The following RIMS2 variants were observed in gnomAD, a reference collection of about 807,000 sequenced individuals.
RIMS2 encodes regulating synaptic membrane exocytosis 2, also known as regulating synaptic membrane exocytosis protein 2.
Under a neutral mutation model 174.4 loss-of-function variants are expected in RIMS2, and 59 were observed. The observed-to-expected ratio is 0.34, with a 90% CI of 0.27 to 0.42. The LOEUF is 0.42. Among genes scored for constraint, RIMS2 ranks in the 10% least tolerant of loss-of-function variants. The pLI, the probability that RIMS2 is intolerant of heterozygous loss-of-function variation, is 1.00. For missense variants in RIMS2, 1,620 were observed against 1,666.3 expected, an observed-to-expected ratio of 0.97 and a Z score of 0.48; for synonymous variants, 606 against 572.5, an observed-to-expected ratio of 1.06 and a Z score of -0.84.
chr8:103,880,750 T>G, intron 3 of RIMS2: 3 of 439,642 alleles, frequency 6.8e-6, no homozygotes, highest in Non-Finnish European at 8.2e-6. Flanking sequence ...TATATTTTTG[T>G]TTTTTTATAA....
chr8:103,668,785 A>C (rs942593980), intron 1 of RIMS2, among the ~76,000 whole-genome samples: 1 of 151,972 alleles, frequency 6.6e-6, no homozygotes, highest in Non-Finnish European at 1.5e-5. Flanking sequence ...GGCTCAAGCA[A>C]TTCTCCCACC....
rs1194792163 is a variant in RIMS2 at position 103,918,406 on chromosome 8, GTTTCTGTC to G, written c.2037-29_2037-22del. 2.2e-6 allele frequency: 3 copies of G among 1,393,870 alleles called. No individual in the cohort carries two copies. In the African/African-American group the frequency reaches 4.6e-5, roughly 21 times the overall value. The allele number at this position is 1,393,870 out of a possible 1,614,324, so 86.3% of individuals were successfully genotyped here. A position where few individuals can be genotyped will look rare whatever the true frequency, so the allele number is the denominator to read the frequency against. On this transcript the variant is annotated intron_variant, in intron 8 of 23. Coordinates refer to ENST00000504942, the Ensembl canonical transcript of RIMS2. ...ATGAGTTGCATTAATTGTTGAAACA[GTTTCTGTC>G]TTTCTTTTTTTTTTTAATCATTTCA...
At chr8:103,732,566 G>C (rs2097616667) in intron 2 of RIMS2, among the ~76,000 whole-genome samples, 1 of 152,130 alleles carries the variant, frequency 6.6e-6, no homozygotes, top group African/African-American at 2.4e-5. Context: ...GGTGGGTCCA[G>C]AGATATCATC....
intron 1 of RIMS2, among the ~76,000 whole-genome samples, chr8:103,582,596 A>G (rs933758330): frequency 6.6e-6 from 1 of 152,150 alleles, no homozygotes; most frequent in African/African-American, 2.4e-5. Flanking sequence ...AGCATTCACA[A>G]TAAGCTGACT....
chr8:103,570,694 C>G (rs1216610950), intron 1 of RIMS2, among the ~76,000 whole-genome samples: 4 of 152,120 alleles, frequency 2.6e-5, no homozygotes, highest in Admixed American at 2.0e-4. Context: ...ATTAATGTTT[C>G]TACCTGCAAA....
At chr8:103,737,762 A>T (rs149130596) in intron 2 of RIMS2, among the ~76,000 whole-genome samples, 1 of 152,102 alleles carries the variant, frequency 6.6e-6, no homozygotes, top group East Asian at 1.9e-4. Flanking sequence ...GTTGTTTCTT[A>T]TACCTGGAAT....
chr8:103,866,873 T>G (rs1594154581), intron 3 of RIMS2, among the ~76,000 whole-genome samples: 1 of 152,122 alleles, frequency 6.6e-6, no homozygotes, highest in East Asian at 1.9e-4. Flanking sequence ...TTTTATTTTA[T>G]TTTTTGCATT....
At chr8:104,099,184 T>C (rs931115021) in intron 19 of RIMS2, among the ~76,000 whole-genome samples, 1 of 152,210 alleles carries the variant, frequency 6.6e-6, no homozygotes, top group African/African-American at 2.4e-5. Flanking sequence ...CATAAGTTTC[T>C]ACTATTTGGC....
At chr8:103,964,274 C>G (rs527600908) in intron 15 of RIMS2, among the ~76,000 whole-genome samples, 1 of 152,262 alleles carries the variant, frequency 6.6e-6, no homozygotes, top group East Asian at 1.9e-4. Context: ...TTCCCACCAG[C>G]AATGAATGAG....
At chr8:103,893,664 C>A (rs1480557614) in intron 4 of RIMS2, among the ~76,000 whole-genome samples, 2 of 151,998 alleles carry the variant, frequency 1.3e-5, no homozygotes, top group African/African-American at 2.4e-5. Flanking sequence ...ATATGAAAAT[C>A]ACATGAAATT....
intron 1 of RIMS2, among the ~76,000 whole-genome samples, chr8:103,558,458 A>G (rs1426430968): frequency 6.6e-6 from 1 of 152,170 alleles, no homozygotes; most frequent in Non-Finnish European, 1.5e-5. Flanking sequence ...TCCAGGCCTC[A>G]GGTGATCTGC....
chr8:104,249,711 G>T, intron 22 of RIMS2, 123 bp downstream of exon 28: 1 of 616,482 alleles, frequency 1.6e-6, no homozygotes, highest in Non-Finnish European at 2.9e-6. Context: ...GGTCCATTAT[G>T]ACTGGTCTGG....
At chr8:104,021,044 C>T (rs565705719) in intron 19 of RIMS2, among the ~76,000 whole-genome samples, 18 of 151,784 alleles carry the variant, frequency 1.2e-4, no homozygotes, top group Non-Finnish European at 1.6e-4. Flanking sequence ...AAAGTAACAT[C>T]CCGTTCTATA....
chr8:103,604,377 T>C (rs1338296897), intron 1 of RIMS2, among the ~76,000 whole-genome samples: 1 of 152,100 alleles, frequency 6.6e-6, no homozygotes, highest in Non-Finnish European at 1.5e-5. Context: ...TTGGTACCAG[T>C]ACCATGCTGT....
chr8:103,810,955 A>T (rs989276105), intron 3 of RIMS2, among the ~76,000 whole-genome samples: 1 of 151,752 alleles, frequency 6.6e-6, no homozygotes, highest in African/African-American at 2.4e-5. Context: ...ATTATTTCTA[A>T]TATCTTATAT....
chr8:103,632,447 G>T (rs1353117369), intron 1 of RIMS2, among the ~76,000 whole-genome samples: 1 of 152,168 alleles, frequency 6.6e-6, no homozygotes, highest in African/African-American at 2.4e-5. Context: ...TTGAGGCGGA[G>T]TCTTGCTCTT....
intron 19 of RIMS2, among the ~76,000 whole-genome samples, chr8:104,178,237 G>T (rs966615424): frequency 5.9e-5 from 9 of 152,104 alleles, no homozygotes; most frequent in Non-Finnish European, 1.2e-4. Flanking sequence ...CTTCAAACTT[G>T]TTTAGGTTGT....
chr8:103,554,497 C>G (rs781035402), intron 1 of RIMS2, among the ~76,000 whole-genome samples: 16 of 152,082 alleles, frequency 1.1e-4, no homozygotes, highest in Non-Finnish European at 2.1e-4. Context: ...TACCATCTCA[C>G]CAGTCAGAAT....
rs981696300 is a variant in RIMS2 at position 104,094,601 on chromosome 8, G to T, written c.3334+79986G>T. On this transcript the variant is annotated intron_variant, in intron 19 of 23. Coordinates refer to ENST00000504942, the Ensembl canonical transcript of RIMS2. ...AGAAAGGGAAAGAGATTGCCAAAAC[G>T]TGTAATAAGGAGAAAAACAGAGAAT... The T allele has an allele frequency of 4.3e-6, 3 of 701,896 alleles. No individual in the cohort carries two copies. In the Admixed American group the frequency reaches 6.0e-5, roughly 14 times the overall value. The allele number at this position is 701,896 out of a possible 1,614,324, so 43.5% of individuals were successfully genotyped here. A position where few individuals can be genotyped will look rare whatever the true frequency, so the allele number is the denominator to read the frequency against.
Sources: gnomAD v4.1 joint callset for allele counts (sites outside exome capture counted in the v4.1 genomes callset) on GRCh38, gnomAD v4.1.1 for gene constraint, MANE v1.5 for transcripts, NCBI Gene and HGNC (gene_info 2026-07-23, HGNC 2026-07-21) for gene names.